MYOZ2: variants seen among roughly 807,000 people sequenced by gnomAD.
The protein encoded by MYOZ2 is myozenin 2.
MYOZ2 carries 19 observed loss-of-function variants against 25.4 expected under a neutral mutation model. That is an observed-to-expected ratio of 0.75 (90% CI 0.52 to 1.10). The LOEUF is 1.10. MYOZ2 is among the 50% of genes least tolerant of loss of function. MYOZ2 has a pLI of 0.00. For synonymous variants in MYOZ2, 92 were observed against 106.9 expected, an observed-to-expected ratio of 0.86 and a Z score of 0.86; for missense variants, 270 against 317.9, an observed-to-expected ratio of 0.85 and a Z score of 1.15.
chr4:119,167,969 ATGTTT>A (rs140910198), intron 5 of MYOZ2, among the ~76,000 whole-genome samples: 1 of 151,968 alleles, frequency 6.6e-6, no homozygotes, highest in Admixed American at 6.6e-5. Flanking sequence ...ACGGAGATTA[ATGTTT>A]TGTTTTGTTT....
intron 4 of MYOZ2, among the ~76,000 whole-genome samples, chr4:119,161,655 T>C (rs1741712583): frequency 6.6e-6 from 1 of 152,130 alleles, no homozygotes; most frequent in Non-Finnish European, 1.5e-5. Context: ...TAATGATATC[T>C]ATAAAAAGAA....
rs181005858 is a variant in MYOZ2 at position 119,173,641 on chromosome 4, G to T, written c.560+9247G>T. Among the ~76,000 whole-genome samples the T allele has an allele frequency of 3.3e-5, 5 of 152,326 alleles. No homozygotes were observed. In the East Asian group the frequency reaches 7.7e-4, roughly 24 times the overall value. On this transcript the variant is annotated intron_variant, in intron 5 of 5. Coordinates refer to ENST00000307128, the MANE Select transcript of MYOZ2 (RefSeq NM_016599.5). ...CTGGCAGTCCTCACAGCCCTCGCTC[G>T]CTCTCGGCACCTCCTCTGCCTGGGC... is the stretch of plus-strand genomic sequence containing the variant.
At chr4:119,143,250 C>T (rs1221660565) in intron 2 of MYOZ2, among the ~76,000 whole-genome samples, 1 of 151,624 alleles carries the variant, frequency 6.6e-6, no homozygotes, top group African/African-American at 2.4e-5. Context: ...GGCTGGAGTG[C>T]AGTGGCCTGA....
intron 2 of MYOZ2, among the ~76,000 whole-genome samples, chr4:119,144,144 C>G (rs1741235217): frequency 6.6e-6 from 1 of 152,138 alleles, no homozygotes; most frequent in Admixed American, 6.5e-5. Context: ...TAAACCCTGA[C>G]CAATCACTAT....
intron 4 of MYOZ2, among the ~76,000 whole-genome samples, chr4:119,160,803 G>C (rs1318957284): frequency 6.6e-6 from 1 of 151,640 alleles, no homozygotes; most frequent in Non-Finnish European, 1.5e-5. Context: ...CATATTCTTG[G>C]GGTACATAGT....
chr4:119,136,139 C>G (rs910173562), intron 1 of MYOZ2, among the ~76,000 whole-genome samples, 157 bp downstream of exon 1: 2 of 152,202 alleles, frequency 1.3e-5, no homozygotes, highest in African/African-American at 4.8e-5. Flanking sequence ...GTGTCTTCTT[C>G]ATTCTTACAG....
chr4:119,185,981 TG>T lies in MYOZ2; in HGVS notation c.578del (p.Gly193GlufsTer22), dbSNP rs1372941372. The T allele has an allele frequency of 6.2e-7, 1 of 1,613,692 alleles. No individual in the cohort carries two copies. Among genetic ancestry groups the T allele is most frequent in the Non-Finnish European group, 8.5e-7 (1 of 1,179,936 alleles). On this transcript the variant is annotated frameshift_variant, in exon 6 of 6. Coordinates refer to ENST00000307128, the MANE Select transcript of MYOZ2 (RefSeq NM_016599.5). LOFTEE classifies it high-confidence loss of function. ...TTTCCCACAGGGTTGCCACACCATT[TG>T]GAGGTTTTGAAAAAGCATCAAGAAT... is the stretch of plus-strand genomic sequence containing the variant. ...RSFNRVATPF[G>X]GFEKASRMVK... is the part of the protein sequence containing the mutation.
chr4:119,161,261 T>C (rs971335066), intron 4 of MYOZ2, among the ~76,000 whole-genome samples: 4 of 152,116 alleles, frequency 2.6e-5, no homozygotes, highest in Non-Finnish European at 4.4e-5. Flanking sequence ...AATGGGGAGT[T>C]GGGGTATTAT....
chr4:119,185,909 C>T (rs1016349998), intron 5 of MYOZ2, 57 bp from the exon 6 acceptor site: 5 of 1,417,002 alleles, frequency 3.5e-6, no homozygotes, highest in Non-Finnish European at 3.9e-6. Context: ...AAATTGTTTT[C>T]TATTTTGACA....
intron 5 of MYOZ2, among the ~76,000 whole-genome samples, chr4:119,185,161 C>T (rs1378884908): frequency 6.7e-6 from 1 of 150,044 alleles, no homozygotes; most frequent in Non-Finnish European, 1.5e-5. Flanking sequence ...GTTTCCTTTC[C>T]CTTCTCCTTT....
At position 119,138,367 on chromosome 4, in the gene MYOZ2, G is replaced by A. The variant is rs77962113; in HGVS notation, c.76+1766G>A. Among the ~76,000 whole-genome samples, 1,437 of 152,164 alleles carry A rather than the reference G, an allele frequency of 9.4e-3. 10 individuals carry two copies. The highest frequency in any genetic ancestry group is 0.028 in the South Asian group (137 of 4,810). On this transcript the variant is annotated intron_variant, in intron 2 of 5. Coordinates refer to ENST00000307128, the MANE Select transcript of MYOZ2 (RefSeq NM_016599.5). ...AATAACTTCAGTACTTTATGAAACC[G>A]CTCAAATATTTTTCTTCTCTTATTT...
At chr4:119,172,281 T>C (rs2149227485) in intron 5 of MYOZ2, among the ~76,000 whole-genome samples, 1 of 152,326 alleles carries the variant, frequency 6.6e-6, no homozygotes, top group East Asian at 1.9e-4. Context: ...AGAGTTTAAT[T>C]CACGCAGAGC....
chr4:119,152,649 T>G (rs1325053055), intron 3 of MYOZ2, among the ~76,000 whole-genome samples: 2 of 152,096 alleles, frequency 1.3e-5, no homozygotes, highest in African/African-American at 4.8e-5. Flanking sequence ...GAACATGTCT[T>G]GACAATTTTT....
At chr4:119,167,891 T>C (rs528830052) in intron 5 of MYOZ2, among the ~76,000 whole-genome samples, 1 of 152,368 alleles carries the variant, frequency 6.6e-6, no homozygotes, top group South Asian at 2.1e-4. Context: ...GAAAAGAATA[T>C]TCTTTTCAAT....
intron 5 of MYOZ2, among the ~76,000 whole-genome samples, chr4:119,166,478 C>T (rs1322771953): frequency 6.6e-6 from 1 of 151,388 alleles, no homozygotes; most frequent in Admixed American, 6.6e-5. Flanking sequence ...CACTGTACTC[C>T]CACCTGGGCA....
At chr4:119,155,397 G>T (rs1294626045) in intron 3 of MYOZ2, among the ~76,000 whole-genome samples, 1 of 152,146 alleles carries the variant, frequency 6.6e-6, no homozygotes, top group African/African-American at 2.4e-5. Context: ...AATAAAGAAA[G>T]AGCACGAGAA....
chr4:119,140,023 G>A (rs1741127953), intron 2 of MYOZ2, among the ~76,000 whole-genome samples: 1 of 152,146 alleles, frequency 6.6e-6, no homozygotes, highest in Admixed American at 6.5e-5. Flanking sequence ...GAGTGCTGTT[G>A]TTAATGTGGT....
chr4:119,176,253 T>C (rs764231283), intron 5 of MYOZ2, among the ~76,000 whole-genome samples: 1 of 152,030 alleles, frequency 6.6e-6, no homozygotes, highest in Non-Finnish European at 1.5e-5. Flanking sequence ...ACAGTCTCAC[T>C]CTTGTGGCTC....
intron 2 of MYOZ2, among the ~76,000 whole-genome samples, chr4:119,137,659 A>G (rs1213506862): frequency 2.0e-5 from 3 of 152,210 alleles, no homozygotes; most frequent in East Asian, 3.8e-4. Flanking sequence ...ATTTTCTGCA[A>G]TACAGAACCA....
Sources: allele counts gnomAD v4.1 joint callset (sites outside exome capture counted in the v4.1 genomes callset), GRCh38; gene constraint gnomAD v4.1.1; transcripts MANE v1.5; gene names NCBI Gene and HGNC (gene_info 2026-07-23, HGNC 2026-07-21).